Variants in TENM4 observed in about 807,000 individuals in gnomAD.
TENM4 encodes the protein teneurin-4.
A neutral mutation model predicts 243.3 loss-of-function variants in TENM4; 82 were observed. That is an observed-to-expected ratio of 0.34 (90% confidence interval 0.28 to 0.40). TENM4 has a LOEUF of 0.40. TENM4 is among the 10% of genes least tolerant of loss of function. The pLI, the probability that TENM4 is intolerant of heterozygous loss-of-function variation, is 1.00. For missense variants in TENM4, 3,138 were observed against 3,673.3 expected (o/e 0.85, Z 3.77); for synonymous variants, 1,412 against 1,456.3 (o/e 0.97, Z 0.69).
intron 9 of TENM4, among the ~76,000 whole-genome samples, chr11:78,870,352 G>A (rs181810707): frequency 4.6e-5 from 7 of 152,132 alleles, no homozygotes; most frequent in African/African-American, 1.7e-4. Context: ...TTCCATGCCA[G>A]TTGCCAATTT....
intron 2 of TENM4, among the ~76,000 whole-genome samples, chr11:79,258,397 C>A (rs1294148643): frequency 6.6e-6 from 1 of 152,180 alleles, no homozygotes; most frequent in African/African-American, 2.4e-5. Flanking sequence ...AGCTAGTAGG[C>A]AGTGGGGCCT....
At chr11:78,844,130 T>C (rs1217512483) in intron 12 of TENM4, among the ~76,000 whole-genome samples, 1 of 152,184 alleles carries the variant, frequency 6.6e-6, no homozygotes, top group Non-Finnish European at 1.5e-5. Flanking sequence ...ATAATGATCC[T>C]TTCCAGCCAG....
chr11:78,808,419 A>G (rs547282551), intron 14 of TENM4, among the ~76,000 whole-genome samples: 2 of 152,360 alleles, frequency 1.3e-5, no homozygotes, highest in African/African-American at 4.8e-5. Context: ...CATTTCATGG[A>G]CATTATCTCA....
intron 1 of TENM4, among the ~76,000 whole-genome samples, chr11:79,353,757 A>AAG (rs1212331065): frequency 3.3e-5 from 1 of 29,880 alleles, no homozygotes; most frequent in Non-Finnish European, 7.7e-5. Context: ...AAAAAGGAGG[A>AAG]AAAAAAAAAA....
intron 1 of TENM4, among the ~76,000 whole-genome samples, chr11:79,389,937 C>G (rs976098272): frequency 2.0e-5 from 3 of 152,152 alleles, no homozygotes; most frequent in African/African-American, 7.2e-5. Context: ...TTCCAGAAAA[C>G]GTTTGCTGAC....
intron 4 of TENM4, among the ~76,000 whole-genome samples, chr11:79,139,727 T>TA (rs1361033358): frequency 5.7e-5 from 5 of 87,616 alleles, no homozygotes; most frequent in Non-Finnish European, 1.1e-4. Flanking sequence ...ATAAAATATA[T>TA]ATTATATTTA....
intron 1 of TENM4, among the ~76,000 whole-genome samples, chr11:79,375,984 G>A (rs551465872): frequency 1.3e-5 from 2 of 152,332 alleles, no homozygotes; most frequent in African/African-American, 4.8e-5. Context: ...GAGAAACACA[G>A]GATGCACTTT....
intron 9 of TENM4, among the ~76,000 whole-genome samples, chr11:78,868,470 G>T (rs1382030571): frequency 1.3e-5 from 2 of 152,178 alleles, no homozygotes; most frequent in South Asian, 2.1e-4. Flanking sequence ...GAGCCAAGGT[G>T]GGGGAAGTTC....
intron 6 of TENM4, among the ~76,000 whole-genome samples, chr11:78,930,924 C>T (rs899276043): frequency 2.6e-5 from 4 of 152,134 alleles, no homozygotes; most frequent in Non-Finnish European, 5.9e-5. Context: ...AGACTTCATA[C>T]GGTCCAGGGG....
At chr11:79,293,924 C>A (rs1354659205) in intron 2 of TENM4, among the ~76,000 whole-genome samples, 4 of 152,164 alleles carry the variant, frequency 2.6e-5, no homozygotes, top group Non-Finnish European at 5.9e-5. Context: ...GACCTGTAGG[C>A]AGAAAGAGGT....
chr11:78,688,131 A>C lies in TENM4; in HGVS notation c.5183T>G (p.Val1728Gly). The C allele has an allele frequency of 6.2e-7, 1 of 1,613,932 alleles. No individual in the cohort carries two copies. The highest frequency in any genetic ancestry group is 8.5e-7 in the Non-Finnish European group (1 of 1,179,886). The stretch of plus-strand genomic sequence containing the variant: ...GACATCATCCTTGCTGGAGGTCTCT[A>C]CCTGGACATGCACTGAACTGTCTGT... ...SDTDSSVHVQ[V>G]ETSSKDDVTI... Residue 1728 changes from valine (V) to glycine (G), a missense_variant, in exon 29 of 34, where the codon GTA becomes GGA. By Grantham distance (109) the Val-to-Gly change is moderately radical. Transcript: ENST00000278550.
chr11:79,143,992 A>G (rs922175300), intron 4 of TENM4, among the ~76,000 whole-genome samples: 2 of 152,066 alleles, frequency 1.3e-5, no homozygotes, highest in East Asian at 1.9e-4. Flanking sequence ...AAGAAAAACA[A>G]TATCAACAAA....
rs538750659 is a variant in TENM4, at chr11:79,236,304, C to T, written c.-264-20395G>A. ...CTTCGGATGCCTGTTTGAGACATTC[C>T]TGCCTTCTAGTCGAAGTCTCCTGAA... On this transcript the variant is annotated intron_variant, in intron 2 of 33. Transcript: ENST00000278550. Among the ~76,000 whole-genome samples, 5 of 152,310 alleles carry T rather than the reference C, an allele frequency of 3.3e-5. No individual in the cohort carries two copies. In the East Asian group the frequency reaches 9.7e-4, roughly 29 times the overall value.
intron 6 of TENM4, among the ~76,000 whole-genome samples, chr11:79,058,426 T>TC (rs1423078924): frequency 1.3e-5 from 2 of 151,756 alleles, no homozygotes; most frequent in Non-Finnish European, 2.9e-5. Context: ...GCGCCTGTAG[T>TC]CCCAGCTACT....
chr11:78,978,343 A>G (rs1377801335), intron 6 of TENM4, among the ~76,000 whole-genome samples: 1 of 145,572 alleles, frequency 6.9e-6, no homozygotes, highest in East Asian at 2.0e-4. Flanking sequence ...CCCAGAACTT[A>G]AAGTAAGAAA....
chr11:79,208,655 C>CCATCTGT (rs935377327), intron 3 of TENM4, among the ~76,000 whole-genome samples: 4 of 152,142 alleles, frequency 2.6e-5, no homozygotes, highest in Admixed American at 2.6e-4. Flanking sequence ...CTCTGTGGCC[C>CCATCTGT]CATCTGTGTA....
At chr11:78,803,753 C>T (rs780735856) in intron 15 of TENM4, among the ~76,000 whole-genome samples, 1 of 152,188 alleles carries the variant, frequency 6.6e-6, no homozygotes, top group Non-Finnish European at 1.5e-5. Flanking sequence ...CAGTGCAAGA[C>T]GCAGTTATAT....
At chr11:78,894,388 A>G (rs554746728) in intron 7 of TENM4, among the ~76,000 whole-genome samples, 1 of 152,354 alleles carries the variant, frequency 6.6e-6, no homozygotes, top group South Asian at 2.1e-4. Flanking sequence ...CATTCAGAGA[A>G]AAAGACATAA....
intron 6 of TENM4, among the ~76,000 whole-genome samples, chr11:78,947,938 G>C (rs995414904): frequency 6.6e-6 from 1 of 152,098 alleles, no homozygotes; most frequent in African/African-American, 2.4e-5. Context: ...TCAATGCTTG[G>C]TGTAAAGCAT....
Sources: gnomAD v4.1 joint callset for allele counts (sites outside exome capture counted in the v4.1 genomes callset) on GRCh38, gnomAD v4.1.1 for gene constraint, MANE v1.5 for transcripts, NCBI Gene and HGNC (gene_info 2026-07-23, HGNC 2026-07-21) for gene names.